PCDH9: variants seen among roughly 807,000 people sequenced by gnomAD.
PCDH9 encodes protocadherin 9.
PCDH9 carries 24 observed loss-of-function variants against 70.6 expected under a neutral mutation model. The ratio of observed to expected loss-of-function variants is 0.34; its 90% confidence interval spans 0.25 to 0.48. The LOEUF is 0.48. Ranked by LOEUF, PCDH9 falls within the 20% of genes least tolerant of loss-of-function variation. The pLI is 0.99. For missense variants in PCDH9, 1,281 were observed against 1,503.6 expected (o/e 0.85, Z 2.45); for synonymous variants, 562 against 558.5 (o/e 1.01, Z -0.09).
At chr13:66,461,983 A>G (rs1594018513) in intron 4 of PCDH9, among the ~76,000 whole-genome samples, 1 of 151,738 alleles carries the variant, frequency 6.6e-6, no homozygotes, top group Non-Finnish European at 1.5e-5. Context: ...GTATTTATTG[A>G]GTAATTGTTG....
At chr13:67,099,744 G>A (rs985355882) in intron 2 of PCDH9, among the ~76,000 whole-genome samples, 3 of 152,142 alleles carry the variant, frequency 2.0e-5, no homozygotes, top group African/African-American at 7.2e-5. Context: ...TAACATTCAC[G>A]CTCGCTCACT....
intron 2 of PCDH9, among the ~76,000 whole-genome samples, chr13:67,126,687 A>G (rs2086987659): frequency 6.6e-6 from 1 of 152,144 alleles, no homozygotes. Context: ...CATCTCTACT[A>G]AAAATACAAA....
intron 4 of PCDH9, among the ~76,000 whole-genome samples, chr13:66,582,459 C>T (rs1037058311): frequency 6.6e-6 from 1 of 151,968 alleles, no homozygotes; most frequent in Non-Finnish European, 1.5e-5. Flanking sequence ...ATGGCAAAAC[C>T]CTTTCTCTAC....
chr13:66,928,571 T>G (rs1362089212), intron 2 of PCDH9, among the ~76,000 whole-genome samples: 1 of 152,014 alleles, frequency 6.6e-6, no homozygotes, highest in African/African-American at 2.4e-5. Flanking sequence ...ATGGGCCCAT[T>G]GGGAGGTGAT....
intron 2 of PCDH9, among the ~76,000 whole-genome samples, chr13:67,075,549 C>T (rs1042894572): frequency 2.6e-5 from 4 of 151,832 alleles, no homozygotes; most frequent in African/African-American, 9.7e-5. Context: ...GGTTTTTTTT[C>T]TTAATTATGA....
chr13:67,037,048 CAGATT>C (rs1221343530), intron 2 of PCDH9, among the ~76,000 whole-genome samples: 1 of 152,116 alleles, frequency 6.6e-6, no homozygotes, highest in Non-Finnish European at 1.5e-5. Flanking sequence ...ATCTAGTTTT[CAGATT>C]ACCCCACAGA....
chr13:66,622,340 A>G (rs377165056), intron 4 of PCDH9, among the ~76,000 whole-genome samples: 1 of 152,170 alleles, frequency 6.6e-6, no homozygotes, highest in Non-Finnish European at 1.5e-5. Flanking sequence ...ACAGGCCCAC[A>G]GCGTGGGACT....
chr13:66,685,360 C>A (rs1035445460), intron 3 of PCDH9, among the ~76,000 whole-genome samples: 2 of 152,184 alleles, frequency 1.3e-5, no homozygotes, highest in African/African-American at 4.8e-5. Context: ...TGGTGTTGGG[C>A]CTGCAAGTGC....
chr13:67,182,033 C>G (rs998437121), intron 2 of PCDH9, among the ~76,000 whole-genome samples: 2 of 152,152 alleles, frequency 1.3e-5, no homozygotes, highest in Non-Finnish European at 2.9e-5. Flanking sequence ...GTGGGCATGG[C>G]TCAAGGCTCT....
At chr13:66,997,134 AG>A (rs1300665938) in intron 2 of PCDH9, among the ~76,000 whole-genome samples, 1 of 152,210 alleles carries the variant, frequency 6.6e-6, no homozygotes, top group African/African-American at 2.4e-5. Context: ...TCTTTTATTT[AG>A]GAAGTGTGTT....
chr13:66,890,857 T>C (rs2082085127), intron 3 of PCDH9, among the ~76,000 whole-genome samples: 1 of 152,118 alleles, frequency 6.6e-6, no homozygotes, highest in African/African-American at 2.4e-5. Flanking sequence ...TGTTTAACTC[T>C]GTCAGTGTAA....
At chr13:66,994,645 C>T (rs1366790929) in intron 2 of PCDH9, among the ~76,000 whole-genome samples, 1 of 152,186 alleles carries the variant, frequency 6.6e-6, no homozygotes, top group Non-Finnish European at 1.5e-5. Context: ...TGTCCAGAGG[C>T]TAGATGGCTG....
At position 66,696,676 on chromosome 13, in the gene PCDH9, A is replaced by C. The variant is rs112908536; in HGVS notation, c.3139-65265T>G. ...TATGCAACACTACTTTGTGCACTCA[A>C]ATGTTTGTAGTCACAACATTTTACC... On this transcript the variant is annotated intron_variant, in intron 3 of 4. Coordinates refer to ENST00000377865, the MANE Select transcript of PCDH9 (RefSeq NM_203487.3). Among the ~76,000 whole-genome samples the C allele has an allele frequency of 6.8e-3, 1,032 of 152,238 alleles. 9 individuals are homozygous for C. The highest frequency in any genetic ancestry group is 0.023 in the African/African-American group (966 of 41,542).
intron 3 of PCDH9, among the ~76,000 whole-genome samples, chr13:66,849,517 T>TATATATATATAGAGAGAGAGAG (rs1272589939): frequency 4.7e-5 from 3 of 63,576 alleles, no homozygotes; most frequent in South Asian, 7.8e-4. Context: ...TATATATATA[T>TATATATATATAGAGAGAGAGAG]AGAGAGAGAG....
At chr13:67,083,663 A>C (rs918777012) in intron 2 of PCDH9, among the ~76,000 whole-genome samples, 2 of 152,196 alleles carry the variant, frequency 1.3e-5, no homozygotes, top group Non-Finnish European at 2.9e-5. Context: ...TCAGAGCCTT[A>C]AGGCCTCCCT....
intron 4 of PCDH9, among the ~76,000 whole-genome samples, chr13:66,381,506 A>G (rs998573317): frequency 6.6e-6 from 1 of 152,202 alleles, no homozygotes; most frequent in African/African-American, 2.4e-5. Flanking sequence ...AAAATAAACA[A>G]TATTGGCTTT....
At chr13:66,811,935 C>T (rs1236064465) in intron 3 of PCDH9, among the ~76,000 whole-genome samples, 1 of 151,576 alleles carries the variant, frequency 6.6e-6, no homozygotes, top group African/African-American at 2.4e-5. Flanking sequence ...ATTTATTTTC[C>T]TGTAAGTTAT....
intron 3 of PCDH9, among the ~76,000 whole-genome samples, chr13:66,863,870 C>T (rs1342846329): frequency 6.6e-6 from 1 of 151,838 alleles, no homozygotes; most frequent in Non-Finnish European, 1.5e-5. Flanking sequence ...TTATAAATTA[C>T]CCGAGACAGG....
intron 3 of PCDH9, among the ~76,000 whole-genome samples, chr13:66,684,996 T>G (rs2078379771): frequency 6.6e-6 from 1 of 151,772 alleles, no homozygotes. Context: ...TCACAAAGTT[T>G]GGAAAATTTG....
Sources: allele counts gnomAD v4.1 joint callset (sites outside exome capture counted in the v4.1 genomes callset), GRCh38; gene constraint gnomAD v4.1.1; transcripts MANE v1.5; gene names NCBI Gene and HGNC (gene_info 2026-07-23, HGNC 2026-07-21).